RNF175: variants seen among roughly 807,000 people sequenced by gnomAD.
The protein encoded by RNF175 is ring finger protein 175.
RNF175 carries 38 observed loss-of-function variants against 50.0 expected under a neutral mutation model. The observed-to-expected ratio is 0.76, with a 90% CI of 0.59 to 1.00. The LOEUF (loss-of-function observed/expected upper bound fraction) is 1.00, where lower values mean the gene tolerates loss of function less well. Among genes scored for constraint, RNF175 ranks in the 50% least tolerant of loss-of-function variants. The probability of loss-of-function intolerance (pLI) is 0.00; values close to 1 mark genes in which losing one functional copy is unlikely to be tolerated. For synonymous variants in RNF175, 155 were observed against 146.1 expected, an observed-to-expected ratio of 1.06 and a Z score of -0.44; for missense variants, 388 against 409.6, an observed-to-expected ratio of 0.95 and a Z score of 0.46.
At chr4:153,734,287 AG>A (rs1739212666) in intron 3 of RNF175, among the ~76,000 whole-genome samples, 1 of 152,224 alleles carries the variant, frequency 6.6e-6, no homozygotes, top group Admixed American at 6.5e-5. Context: ...CTTCAAAAAT[AG>A]CTTTACCATT....
At chr4:153,733,920 G>T (rs1739188348) in intron 3 of RNF175, among the ~76,000 whole-genome samples, 1 of 152,060 alleles carries the variant, frequency 6.6e-6, no homozygotes, top group Non-Finnish European at 1.5e-5. Context: ...CTATAGTTTT[G>T]TGGTTTTCAG....
intron 7 of RNF175, chr4:153,713,636 G>A (rs1737731129): frequency 6.6e-6 from 1 of 152,204 alleles, no homozygotes; most frequent in African/African-American, 2.4e-5. Context: ...ACAAATGGAG[G>A]AGCTTGGAGG....
intron 4 of RNF175, 46 bp downstream of exon 4, chr4:153,728,161 T>C: frequency 6.8e-7 from 1 of 1,463,862 alleles, no homozygotes; most frequent in Non-Finnish European, 9.2e-7. Flanking sequence ...CTTTGTAATA[T>C]TTAAAATAAA....
rs941008591 is a variant in RNF175 at position 153,751,564 on chromosome 4, G to A, written c.67-89C>T. On this transcript the variant is annotated intron_variant, in intron 1 of 8. Transcript: ENST00000347063. ...GCAATATATGGGAAACCCAGACCATGAAAAATAACAATGTCACATAGTATT... is the reference window on the plus strand; with the variant it reads ...GCAATATATGGGAAACCCAGACCATAAAAAATAACAATGTCACATAGTATT... The A allele has an allele frequency of 7.0e-6, 6 of 861,278 alleles. No individual in the cohort carries two copies. The Admixed American group carries it at 1.1e-4, about 16-fold the overall frequency. The allele number at this position is 861,278 out of a possible 1,614,324, so 53.4% of individuals were successfully genotyped here. A position where few individuals can be genotyped will look rare whatever the true frequency, so the allele number is the denominator to read the frequency against.
At chr4:153,715,804 C>T in intron 6 of RNF175, 142 bp from the exon 7 acceptor site, 2 of 807,704 alleles carry the variant, frequency 2.5e-6, no homozygotes, top group South Asian at 3.6e-5. Flanking sequence ...TGGCTCATGC[C>T]TGTAATCCCA....
chr4:153,747,892 G>A (rs906315534), intron 3 of RNF175, among the ~76,000 whole-genome samples: 1 of 152,202 alleles, frequency 6.6e-6, no homozygotes, highest in Non-Finnish European at 1.5e-5. Context: ...AAACAGCAAT[G>A]TATTGCCTCA....
chr4:153,746,056 C>T (rs1283062329), intron 3 of RNF175, among the ~76,000 whole-genome samples: 1 of 152,190 alleles, frequency 6.6e-6, no homozygotes, highest in Admixed American at 6.5e-5. Context: ...TCCAGTGTCT[C>T]ATCTAAATCA....
chr4:153,711,426 T>C (rs1416589693), intron 8 of RNF175, among the ~76,000 whole-genome samples: 1 of 152,054 alleles, frequency 6.6e-6, no homozygotes, highest in African/African-American at 2.4e-5. Flanking sequence ...TCCACTGATG[T>C]TGCCTCCTTC....
chr4:153,743,256 T>A (rs1039039060), intron 3 of RNF175, among the ~76,000 whole-genome samples: 2 of 152,188 alleles, frequency 1.3e-5, no homozygotes, highest in African/African-American at 4.8e-5. Flanking sequence ...TGTGCTCTGA[T>A]GACCACTCTG....
chr4:153,713,866 G>T (rs929573545), intron 7 of RNF175: 11 of 152,116 alleles, frequency 7.2e-5, no homozygotes, highest in Admixed American at 6.5e-4. Flanking sequence ...TAGAATTCAG[G>T]GGCCATTGAG....
chr4:153,719,717 A>G (rs1404738336), intron 6 of RNF175, among the ~76,000 whole-genome samples: 1 of 152,246 alleles, frequency 6.6e-6, no homozygotes, highest in Non-Finnish European at 1.5e-5. Context: ...CAGATGCTAT[A>G]TAATGTGACT....
At chr4:153,714,486 C>T (rs1180757107) in intron 7 of RNF175, 1 of 152,160 alleles carries the variant, frequency 6.6e-6, no homozygotes, top group Non-Finnish European at 1.5e-5. Flanking sequence ...GTATGACTGA[C>T]TAAATTAAGT....
chr4:153,719,067 A>T (rs1738161216), intron 6 of RNF175, among the ~76,000 whole-genome samples: 1 of 152,186 alleles, frequency 6.6e-6, no homozygotes, highest in Non-Finnish European at 1.5e-5. Context: ...TCAGCTAGGT[A>T]CTAAGACCCA....
intron 6 of RNF175, among the ~76,000 whole-genome samples, chr4:153,717,432 A>G (rs1267994805): frequency 3.3e-5 from 5 of 152,056 alleles, no homozygotes; most frequent in Non-Finnish European, 7.4e-5. Context: ...GACACTATGT[A>G]TGTTCATTGT....
intron 7 of RNF175, among the ~76,000 whole-genome samples, chr4:153,712,833 T>C (rs1357741608): frequency 6.6e-6 from 1 of 151,932 alleles, no homozygotes; most frequent in Non-Finnish European, 1.5e-5. Context: ...AAGAATTAGA[T>C]TAGATAAAGA....
intron 4 of RNF175, 68 bp downstream of exon 4, chr4:153,728,139 C>A (rs1412009783): frequency 2.4e-6 from 3 of 1,229,378 alleles, no homozygotes; most frequent in Admixed American, 2.8e-5. Flanking sequence ...AGGAAAATGG[C>A]AATAAAATAT....
chr4:153,741,934 A>G (rs1032901021), intron 3 of RNF175, among the ~76,000 whole-genome samples: 2 of 152,120 alleles, frequency 1.3e-5, no homozygotes, highest in African/African-American at 2.4e-5. Context: ...CCAACCTACT[A>G]TATCTCACAA....
At chr4:153,728,435 C>G in intron 3 of RNF175, 74 bp from the exon 4 acceptor site, 1 of 1,295,516 alleles carries the variant, frequency 7.7e-7, no homozygotes, top group South Asian at 1.3e-5. Context: ...TTAAATGAGT[C>G]TGAAGCATTG....
In RNF175 at chr4:153,731,134, T is replaced by C. The variant is rs182040587; in HGVS notation, c.247-2773A>G. On this transcript the variant is annotated intron_variant, in intron 3 of 8. Transcript: ENST00000347063. ...AGGGAAAGTTCAGTAATTTGCTCTG[T>C]GAATTCAGTGATTGCATGGCTAGTC... is the stretch of plus-strand genomic sequence containing the variant. Among the ~76,000 whole-genome samples, 12 of 152,354 alleles carry C rather than the reference T, an allele frequency of 7.9e-5. No individual in the cohort carries two copies. The East Asian group carries it at 2.3e-3, about 29-fold the overall frequency.
Sources: allele counts gnomAD v4.1 joint callset (sites outside exome capture counted in the v4.1 genomes callset), GRCh38; gene constraint gnomAD v4.1.1; transcripts MANE v1.5; gene names NCBI Gene and HGNC (gene_info 2026-07-23, HGNC 2026-07-21).